The following PPP6R2 variants were observed in gnomAD, a reference collection of about 807,000 sequenced individuals.
The protein encoded by PPP6R2 is serine/threonine-protein phosphatase 6 regulatory subunit 2.
PPP6R2 carries 62 observed loss-of-function variants against 100.2 expected under a neutral mutation model. That is an observed-to-expected ratio of 0.62 (90% CI 0.50 to 0.76). The LOEUF is 0.76. Among genes scored for constraint, PPP6R2 ranks in the 30% least tolerant of loss-of-function variants. The pLI is 0.00. For missense variants in PPP6R2, 1,142 were observed against 1,276.3 expected, an observed-to-expected ratio of 0.89 and a Z score of 1.60; for synonymous variants, 525 against 514.7, an observed-to-expected ratio of 1.02 and a Z score of -0.27.
chr22:50,443,660 G>A, intron 22 of PPP6R2: 1 of 653,310 alleles, frequency 1.5e-6, no homozygotes, highest in South Asian at 2.0e-5. Flanking sequence ...TGGACAGGCA[G>A]CTTGTCCCAG....
intron 2 of PPP6R2, among the ~76,000 whole-genome samples, chr22:50,380,024 C>T (rs1031677888): frequency 2.0e-4 from 31 of 152,194 alleles, no homozygotes; most frequent in African/African-American, 6.7e-4. Flanking sequence ...GTAGCTGTGT[C>T]TTAGTCCATT....
the PPP6R2 span, among the ~76,000 whole-genome samples, chr22:50,333,502 A>G: frequency 6.6e-6 from 1 of 151,892 alleles, no homozygotes. Flanking sequence ...ACGCCCGGCT[A>G]ATTTTTGTTT....
the PPP6R2 span, among the ~76,000 whole-genome samples, chr22:50,337,358 G>A: frequency 0.013 from 1,739 of 132,960 alleles, 11 homozygotes; most frequent in East Asian, 0.033. Flanking sequence ...GTGGTGTGTG[G>A]GTGTGTGTGT....
At chr22:50,443,615 C>G in intron 22 of PPP6R2, 1 of 563,382 alleles carries the variant, frequency 1.8e-6, no homozygotes, top group Non-Finnish European at 3.2e-6. Context: ...TGAGCAGGAT[C>G]TGAGTGCTGC....
intron 3 of PPP6R2, among the ~76,000 whole-genome samples, chr22:50,404,545 A>T (rs1194553767): frequency 6.7e-6 from 1 of 150,084 alleles, no homozygotes; most frequent in African/African-American, 2.5e-5. Context: ...CCTCCCATGT[A>T]GCTGAGACCA....
chr22:50,360,889 T>A (rs1208559873), intron 1 of PPP6R2, among the ~76,000 whole-genome samples: 2 of 152,238 alleles, frequency 1.3e-5, no homozygotes, highest in Non-Finnish European at 2.9e-5. Context: ...CCTTGGGGCA[T>A]GACTAGGTTT....
chr22:50,438,270 T>A lies in PPP6R2; in HGVS notation c.1936T>A (p.Cys646Ser). ...EDIWEDSDTRCAARVMARPRF... is the reference protein window; with the variant it reads ...EDIWEDSDTRSAARVMARPRF... ...CATCTGGGAGGACAGTGACACTCGC[T>A]GTGCTGCCCGGGTGATGGCCAGACC... Residue 646 changes from cysteine to serine, a missense_variant, in exon 18 of 24, where the codon TGT becomes AGT. This residue lies in a region of PPP6R2 where 550 missense variants were observed against 517.4 expected (regional missense o/e 1.06). Coordinates refer to ENST00000612753, the MANE Select transcript of PPP6R2 (RefSeq NM_001242898.2). The A allele has an allele frequency of 6.2e-7, 1 of 1,613,638 alleles. No homozygotes were observed. The highest frequency in any genetic ancestry group is 1.3e-5 in the African/African-American group (1 of 75,048).
At position 50,423,349 on chromosome 22, in the gene PPP6R2, C is replaced by T; in HGVS notation, c.973-113C>T. 2.2e-6 allele frequency: 3 copies of T among 1,360,826 alleles called. No homozygotes were observed. In the South Asian group the frequency reaches 4.0e-5, roughly 18 times the overall value. 84.3% of individuals were successfully genotyped at this position (1,360,826 alleles called of 1,614,324 possible). A position where few individuals can be genotyped will look rare whatever the true frequency, so the allele number is the denominator to read the frequency against. On this transcript the variant is annotated intron_variant, in intron 9 of 23. Transcript: ENST00000612753. This position sits in a 1 kb window ranked among gnomAD's most constrained non-coding sequence, Gnocchi z 4.8. ...TCCCTGAGGAACCCCCACCACATAC[C>T]TCGCTACCCCAGGCTGGGTCCCAGC...
At chr22:50,440,182 G>C in intron 21 of PPP6R2, 133 bp downstream of exon 21, 2 of 835,266 alleles carry the variant, frequency 2.4e-6, no homozygotes, top group Non-Finnish European at 1.8e-6. Context: ...GGTGACATTG[G>C]GGTTTGATAC....
chr22:50,440,722 C>A, intron 21 of PPP6R2, 100 bp from the exon 22 acceptor site: 1 of 1,345,446 alleles, frequency 7.4e-7, no homozygotes, highest in Non-Finnish European at 1.1e-6. Flanking sequence ...CAACAGGCTG[C>A]ATGTGAGAGG....
In PPP6R2 at chr22:50,438,692, T is replaced by C; in HGVS notation, c.2058T>C (p.Asp686=). The C allele has an allele frequency of 6.2e-7, 1 of 1,613,826 alleles. No individual in the cohort carries two copies. The change falls in exon 19 of 24, where the codon GAT becomes GAC. Residue 686 remains aspartate (D), a synonymous_variant. Coordinates refer to ENST00000612753, the MANE Select transcript of PPP6R2 (RefSeq NM_001242898.2). ...AGGCGAGCTTGGAAGCACACAGAGA[T>C]GCACCTGGGGCAGGTGCCCCACCGG... ...DGKASLEAHR[D]APGAGAPPAP... is the part of the protein sequence containing the mutation.
At chr22:50,401,914 G>C (rs999860754) in intron 3 of PPP6R2, among the ~76,000 whole-genome samples, 3 of 152,214 alleles carry the variant, frequency 2.0e-5, no homozygotes, top group Admixed American at 2.0e-4. Context: ...GGTTACAGGC[G>C]TGAGCCACCA....
chr22:50,349,416 C>G (rs2044510237), intron 1 of PPP6R2, among the ~76,000 whole-genome samples: 1 of 149,328 alleles, frequency 6.7e-6, no homozygotes, highest in Non-Finnish European at 1.5e-5. Context: ...TGCCTATAAT[C>G]CCAGCACTTT....
At chr22:50,424,478 C>T (rs1380185608) in intron 10 of PPP6R2, among the ~76,000 whole-genome samples, 8 of 145,116 alleles carry the variant, frequency 5.5e-5, no homozygotes, top group Non-Finnish European at 1.2e-4. Flanking sequence ...AAGGTCCGTC[C>T]GCGTGTGGAA....
Position 50,431,090 on chromosome 22 carries a change from AG to A in PPP6R2, c.1126-81del. ...TGTGAGGAGTTAGGACGCCACCTTT[AG>A]GAAGGGTTTCCCTCAGCTTTGTGGT... On this transcript the variant is annotated intron_variant, in intron 10 of 23. Coordinates refer to ENST00000612753, the MANE Select transcript of PPP6R2 (RefSeq NM_001242898.2). This position sits in a 1 kb window ranked among gnomAD's most constrained non-coding sequence, Gnocchi z 4.8. 8.4e-7 allele frequency: 1 copy of A among 1,195,160 alleles called. No individual in the cohort carries two copies. Among genetic ancestry groups the A allele is most frequent in the South Asian group, 1.4e-5 (1 of 73,938 alleles). The allele number at this position is 1,195,160 out of a possible 1,614,324, so 74.0% of individuals were successfully genotyped here.
At chr22:50,355,590 G>C (rs1199990353) in intron 1 of PPP6R2, among the ~76,000 whole-genome samples, 1 of 146,858 alleles carries the variant, frequency 6.8e-6, no homozygotes, top group Non-Finnish European at 1.5e-5. Flanking sequence ...GTGCGATCTT[G>C]GCTCACTGCA....
rs945458495 is a variant in PPP6R2, at chr22:50,437,709, C to T, written c.1781+106C>T. ...CTTGCCGGGAGTGCCGTCTGATGTC[C>T]CCGGGAGACAGCAGGTGTTCCCAGT... On this transcript the variant is annotated intron_variant, in intron 16 of 23. Transcript: ENST00000612753. The T allele has an allele frequency of 8.6e-6, 12 of 1,391,032 alleles. No homozygotes were observed. In the African/African-American group the frequency reaches 1.1e-4, roughly 13 times the overall value. The allele number at this position is 1,391,032 out of a possible 1,614,324, so 86.2% of individuals were successfully genotyped here.
chr22:50,339,858 A>G (rs1285228691), upstream of PPP6R2, among the ~76,000 whole-genome samples: 691 of 24,342 alleles, frequency 0.028, no homozygotes, highest in Middle Eastern at 0.036. Flanking sequence ...TGTGTGTGGT[A>G]TGTAGTGTGT....
At chr22:50,437,093 C>T in intron 15 of PPP6R2, 25 bp downstream of exon 15, 4 of 1,539,602 alleles carry the variant, frequency 2.6e-6, no homozygotes, top group Non-Finnish European at 3.5e-6. Flanking sequence ...GGCACCTGCA[C>T]CCTGCCGGGC....
Sources: gnomAD v4.1 joint callset for allele counts (sites outside exome capture counted in the v4.1 genomes callset) on GRCh38, gnomAD v4.1.1 for gene constraint, gnomAD v4.1.1 regional missense constraint, Gnocchi (gnomAD v3.1) non-coding constraint, MANE v1.5 for transcripts, NCBI Gene and HGNC (gene_info 2026-07-23, HGNC 2026-07-21) for gene names.